CSMD1: variants seen among roughly 807,000 people sequenced by gnomAD.
CSMD1 encodes the protein CUB and Sushi multiple domains 1, also known as CUB and sushi domain-containing protein 1.
In CSMD1, 213 loss-of-function variants were observed where a neutral mutation model predicts 417.5. That is an observed-to-expected ratio of 0.51 (90% CI 0.46 to 0.57). The LOEUF is 0.57. CSMD1 is among the 20% of genes least tolerant of loss of function. The pLI is 0.00. For synonymous variants in CSMD1, 2,862 were observed against 1,736.8 expected, an observed-to-expected ratio of 1.65 and a Z score of -16.11; for missense variants, 6,923 against 4,529.7, an observed-to-expected ratio of 1.53 and a Z score of -15.17.
chr8:3,326,787 G>T (rs745850151), intron 23 of CSMD1, among the ~76,000 whole-genome samples: 6 of 152,156 alleles, frequency 3.9e-5, no homozygotes, highest in Non-Finnish European at 7.3e-5. Context: ...TTCTATTGAA[G>T]AATATTTTAT....
intron 3 of CSMD1, among the ~76,000 whole-genome samples, chr8:4,033,642 G>T (rs538724163): frequency 1.3e-5 from 2 of 152,244 alleles, no homozygotes; most frequent in African/African-American, 4.8e-5. Flanking sequence ...ACCTCCTGAG[G>T]GCTGCGTCAT....
chr8:4,582,311 A>G (rs1295104792), intron 2 of CSMD1, among the ~76,000 whole-genome samples: 1 of 152,236 alleles, frequency 6.6e-6, no homozygotes, highest in Non-Finnish European at 1.5e-5. Flanking sequence ...TATCAGACCA[A>G]GTCTCCTGCA....
chr8:4,050,215 G>C (rs996959466), intron 3 of CSMD1, among the ~76,000 whole-genome samples: 1 of 152,042 alleles, frequency 6.6e-6, no homozygotes, highest in Non-Finnish European at 1.5e-5. Context: ...CTAGGGTCGT[G>C]TTTGTCAGTT....
At chr8:3,449,337 T>A (rs1322552587) in intron 12 of CSMD1, among the ~76,000 whole-genome samples, 2 of 152,168 alleles carry the variant, frequency 1.3e-5, no homozygotes, top group East Asian at 3.9e-4. Flanking sequence ...AAACTCAATA[T>A]AATCTTGTTT....
chr8:4,915,560 T>C (rs923295864), intron 1 of CSMD1, among the ~76,000 whole-genome samples: 9 of 152,188 alleles, frequency 5.9e-5, no homozygotes, highest in African/African-American at 9.6e-5. Context: ...TGGACCTGCG[T>C]CTGCAGTAGA....
chr8:4,989,778 T>A (rs1243515832), intron 1 of CSMD1, among the ~76,000 whole-genome samples: 1 of 152,230 alleles, frequency 6.6e-6, no homozygotes, highest in African/African-American at 2.4e-5. Context: ...TAGAAACGTC[T>A]TCACTGGGTT....
At chr8:3,222,663 A>G (rs930438130) in intron 28 of CSMD1, among the ~76,000 whole-genome samples, 2 of 152,184 alleles carry the variant, frequency 1.3e-5, no homozygotes, top group Admixed American at 1.3e-4. Context: ...CCTAATTTTA[A>G]GGAAGACGCT....
chr8:4,751,386 G>C (rs181513799), intron 1 of CSMD1, among the ~76,000 whole-genome samples: 1 of 144,934 alleles, frequency 6.9e-6, no homozygotes, highest in Non-Finnish European at 1.5e-5. Context: ...GCAAGACTCT[G>C]TCTCAGGGGG....
At chr8:3,438,921 G>A (rs1241756675) in intron 12 of CSMD1, among the ~76,000 whole-genome samples, 1 of 151,386 alleles carries the variant, frequency 6.6e-6, no homozygotes, top group Non-Finnish European at 1.5e-5. Context: ...TTCAAGATGA[G>A]TCTGGCCAAC....
chr8:3,834,562 T>C (rs1454945658), intron 5 of CSMD1, among the ~76,000 whole-genome samples: 4 of 152,198 alleles, frequency 2.6e-5, no homozygotes, highest in Non-Finnish European at 5.9e-5. Context: ...GATTTAAATG[T>C]ATCCTGGCTG....
chr8:4,231,106 G>A (rs142856774), intron 3 of CSMD1, among the ~76,000 whole-genome samples: 1 of 152,134 alleles, frequency 6.6e-6, no homozygotes, highest in South Asian at 2.1e-4. Context: ...TCTCCACCAA[G>A]GATATATGTT....
At chr8:3,385,119 TAATATATAA>T (rs1810924071) in intron 18 of CSMD1, among the ~76,000 whole-genome samples, 1 of 36,236 alleles carries the variant, frequency 2.8e-5, no homozygotes, top group African/African-American at 1.0e-4. Context: ...AAAATATATA[TAATATATAA>T]ATATATAATA....
intron 3 of CSMD1, among the ~76,000 whole-genome samples, chr8:4,372,586 T>A (rs1276451483): frequency 2.6e-5 from 4 of 151,398 alleles, no homozygotes; most frequent in Non-Finnish European, 5.9e-5. Flanking sequence ...TGAGGTACAC[T>A]TAAAACAAGG....
rs546853719 is a variant in CSMD1, at chr8:3,597,357, C to G, written c.1098-11097G>C. On this transcript the variant is annotated intron_variant, in intron 8 of 69. Transcript: ENST00000635120. The stretch of plus-strand genomic sequence containing the variant: ...GTCTGGTTCCAATTTCCCTCACTCT[C>G]GCTTCACTGGAATTAAACTGCCCCT... Among the ~76,000 whole-genome samples, 262 of 150,416 alleles carry G rather than the reference C, an allele frequency of 1.7e-3. 3 individuals carry two copies. Among genetic ancestry groups the G allele is most frequent in the African/African-American group, 6.4e-3 (259 of 40,528 alleles).
chr8:3,753,906 T>G (rs1192811256), intron 6 of CSMD1, 24 bp downstream of exon 6: 3 of 1,502,900 alleles, frequency 2.0e-6, no homozygotes, highest in Non-Finnish European at 2.8e-6. Flanking sequence ...TTTTTTTTTT[T>G]CTTATAAGAT....
At chr8:4,040,992 TTTC>T (rs1797856998) in intron 3 of CSMD1, among the ~76,000 whole-genome samples, 1 of 102,302 alleles carries the variant, frequency 9.8e-6, no homozygotes, top group Non-Finnish European at 1.9e-5. Context: ...GGTCCTATAT[TTTC>T]TTTTCTTTCT....
intron 10 of CSMD1, among the ~76,000 whole-genome samples, chr8:3,517,955 G>T (rs1326450078): frequency 6.6e-6 from 1 of 152,034 alleles, no homozygotes; most frequent in Non-Finnish European, 1.5e-5. Context: ...AAATCTTCAT[G>T]AATTATTAAA....
chr8:4,174,858 T>G (rs768267969), intron 3 of CSMD1, among the ~76,000 whole-genome samples: 3 of 148,150 alleles, frequency 2.0e-5, no homozygotes, highest in South Asian at 2.2e-4. Context: ...AAATTTCAGA[T>G]AAAATATTGA....
intron 7 of CSMD1, among the ~76,000 whole-genome samples, chr8:3,677,809 T>C (rs551878179): frequency 5.3e-5 from 8 of 152,286 alleles, no homozygotes; most frequent in Admixed American, 1.3e-4. Flanking sequence ...AACCAGTAGA[T>C]GACATAAAAC....
Sources: gnomAD v4.1 joint callset for allele counts (sites outside exome capture counted in the v4.1 genomes callset) on GRCh38, gnomAD v4.1.1 for gene constraint, MANE v1.5 for transcripts, NCBI Gene and HGNC (gene_info 2026-07-23, HGNC 2026-07-21) for gene names.